Variants in UBXN2A observed in about 807,000 individuals in gnomAD.
UBXN2A encodes the protein UBX domain protein 2A.
Under a neutral mutation model 28.4 loss-of-function variants are expected in UBXN2A, and 28 were observed. The ratio of observed to expected loss-of-function variants is 0.99; its 90% CI spans 0.73 to 1.35. The LOEUF is 1.35. UBXN2A is among the 40% of genes most tolerant of loss of function. The pLI is 0.00. For synonymous variants in UBXN2A, 97 were observed against 103.6 expected (o/e 0.94, Z 0.39); for missense variants, 253 against 297.9 (o/e 0.85, Z 1.11).
At chr2:23,948,228 G>T (rs1329319460) in intron 1 of UBXN2A, among the ~76,000 whole-genome samples, 2 of 150,342 alleles carry the variant, frequency 1.3e-5, no homozygotes, top group African/African-American at 4.9e-5. Flanking sequence ...TTTAGATTAA[G>T]TCTGAAGATG....
At chr2:23,932,931 C>T (rs1249772681) in intron 1 of UBXN2A, among the ~76,000 whole-genome samples, 6 of 151,872 alleles carry the variant, frequency 4.0e-5, no homozygotes, top group African/African-American at 1.2e-4. Flanking sequence ...AGTGAAACCC[C>T]GTCTCTACTA....
chr2:23,973,355 CT>C (rs1707503147), intron 3 of UBXN2A, among the ~76,000 whole-genome samples: 2 of 140,770 alleles, frequency 1.4e-5, no homozygotes, highest in Non-Finnish European at 3.1e-5. Flanking sequence ...TTTTTTTTCT[CT>C]GAGACAGAGT....
rs1408102283 is a variant in UBXN2A at position 24,002,921 on chromosome 2, A to T, written c.*3054A>T. On this transcript the variant is annotated 3_prime_UTR_variant, in exon 7 of 7. Transcript: ENST00000309033. ...CAAATAATGCCTTAGTATGATTATG[A>T]AAAACGTTTTGACTTCACAGTGCCC... 1.3e-5 allele frequency: 2 copies of T among 152,186 alleles called. No individual in the cohort carries two copies. Among genetic ancestry groups the T allele is most frequent in the Non-Finnish European group, 2.9e-5 (2 of 68,040 alleles). 9.4% of individuals were successfully genotyped at this position (152,186 alleles called of 1,614,324 possible).
chr2:24,000,112 G>T lies in UBXN2A; in HGVS notation c.*245G>T. ...AAAATAGACTTATTTTCAAATACCA[G>T]TTATCAAGATATATTAAATAGCTGT... On this transcript the variant is annotated 3_prime_UTR_variant, in exon 7 of 7. Transcript: ENST00000309033. 2.2e-6 allele frequency: 1 copy of T among 451,814 alleles called. No homozygotes were observed. 28.0% of individuals were successfully genotyped at this position (451,814 alleles called of 1,614,324 possible). A position where few individuals can be genotyped will look rare whatever the true frequency, so the allele number is the denominator to read the frequency against.
At chr2:23,928,591 A>G (rs1429289486) in intron 1 of UBXN2A, among the ~76,000 whole-genome samples, 1 of 151,956 alleles carries the variant, frequency 6.6e-6, no homozygotes, top group African/African-American at 2.4e-5. Context: ...AAAAAAAAAT[A>G]AAATTCACAG....
At chr2:23,995,135 G>A (rs374442498) in intron 6 of UBXN2A, among the ~76,000 whole-genome samples, 18 of 152,120 alleles carry the variant, frequency 1.2e-4, no homozygotes, top group African/African-American at 3.9e-4. Flanking sequence ...TTCTGGTCAC[G>A]TTTCTTTATG....
At chr2:23,956,198 G>A (rs569543528) in intron 1 of UBXN2A, among the ~76,000 whole-genome samples, 11 of 151,016 alleles carry the variant, frequency 7.3e-5, no homozygotes, top group Admixed American at 2.6e-4. Flanking sequence ...AAATCTGATC[G>A]TATAGACTCA....
chr2:23,974,181 A>AT (rs990879852), intron 3 of UBXN2A, among the ~76,000 whole-genome samples: 22 of 144,824 alleles, frequency 1.5e-4, no homozygotes, highest in Non-Finnish European at 3.2e-4. Flanking sequence ...CACCTGGCTA[A>AT]TTTTTTTTTG....
chr2:23,931,339 C>T (rs1402878039), intron 1 of UBXN2A, among the ~76,000 whole-genome samples: 4 of 151,784 alleles, frequency 2.6e-5, no homozygotes, highest in Admixed American at 6.6e-5. Flanking sequence ...CGCAGATATT[C>T]GGAGGCTAAG....
chr2:23,996,233 A>T (rs1708527247), intron 6 of UBXN2A, among the ~76,000 whole-genome samples: 1 of 150,162 alleles, frequency 6.7e-6, no homozygotes, highest in South Asian at 2.1e-4. Context: ...TGCTTGGCTA[A>T]TTTTTTATAT....
upstream of UBXN2A, among the ~76,000 whole-genome samples, chr2:23,936,228 C>G (rs758171369): frequency 2.0e-5 from 3 of 151,936 alleles, no homozygotes; most frequent in Non-Finnish European, 4.4e-5. Context: ...AATGGATAAG[C>G]AAAATGTAAT....
chr2:23,987,113 T>A (rs1708163047), intron 6 of UBXN2A, among the ~76,000 whole-genome samples: 1 of 152,044 alleles, frequency 6.6e-6, no homozygotes, highest in Admixed American at 6.6e-5. Flanking sequence ...AAAAAAAGTT[T>A]GTTTTGTTTT....
Position 23,984,783 on chromosome 2 carries a change from G to T in UBXN2A, c.536G>T (p.Trp179Leu). 1.3e-6 allele frequency: 2 copies of T among 1,563,444 alleles called. No individual in the cohort carries two copies. The highest frequency in any genetic ancestry group is 1.7e-6 in the Non-Finnish European group (2 of 1,165,034). Residue 179 changes from tryptophan (W) to leucine (L), a missense_variant, in exon 6 of 7, where the codon TGG (tryptophan) becomes TTG (leucine). Trp to Leu is a moderately conservative substitution (Grantham distance 61, BLOSUM62 -2). Coordinates refer to ENST00000309033, the MANE Select transcript of UBXN2A (RefSeq NM_181713.4). Reference sequence around the variant, plus strand: ...GAACCCATTACTAATATACAGATCTGGTTGGCCAATGGAAAAAGGATTGTC... The same window carrying T: ...GAACCCATTACTAATATACAGATCTTGTTGGCCAATGGAAAAAGGATTGTC... Reference protein sequence around the residue: ...NLEPITNIQIWLANGKRIVQK... With the variant: ...NLEPITNIQILLANGKRIVQK...
intron 6 of UBXN2A, among the ~76,000 whole-genome samples, chr2:23,998,825 G>A (rs965309000): frequency 3.9e-5 from 6 of 152,004 alleles, no homozygotes; most frequent in Non-Finnish European, 7.4e-5. Context: ...CGTCTCCCGC[G>A]ATCAACCTTC....
intron 1 of UBXN2A, among the ~76,000 whole-genome samples, chr2:23,955,265 A>T (rs1706566489): frequency 6.6e-6 from 1 of 152,068 alleles, no homozygotes; most frequent in Non-Finnish European, 1.5e-5. Flanking sequence ...CATTTTCTTG[A>T]TTCAGCATTC....
chr2:23,944,272 TGAA>T, intron 1 of UBXN2A: 1 of 1,604,862 alleles, frequency 6.2e-7, no homozygotes, highest in South Asian at 1.1e-5. Flanking sequence ...GGAAAAGGCC[TGAA>T]GATTCCCCAG....
chr2:23,952,474 T>A (rs988049259), intron 1 of UBXN2A, among the ~76,000 whole-genome samples: 2 of 152,112 alleles, frequency 1.3e-5, no homozygotes, highest in African/African-American at 4.8e-5. Flanking sequence ...AGACAGAGTC[T>A]TTCCCTGTCG....
At chr2:23,986,187 G>A (rs1430112207) in intron 6 of UBXN2A, among the ~76,000 whole-genome samples, 1 of 151,906 alleles carries the variant, frequency 6.6e-6, no homozygotes, top group Non-Finnish European at 1.5e-5. Context: ...GTGGGCGCCT[G>A]TAGTCCCAGC....
chr2:23,973,207 G>C (rs1202842017), intron 3 of UBXN2A, among the ~76,000 whole-genome samples: 1 of 151,924 alleles, frequency 6.6e-6, no homozygotes, highest in East Asian at 1.9e-4. Flanking sequence ...TTTTAGTAGA[G>C]ACAGGGTTTC....
Sources: gnomAD v4.1 joint callset for allele counts (sites outside exome capture counted in the v4.1 genomes callset) on GRCh38, gnomAD v4.1.1 for gene constraint, MANE v1.5 for transcripts, NCBI Gene and HGNC (gene_info 2026-07-23, HGNC 2026-07-21) for gene names.